WIPI2: variants seen among roughly 807,000 people sequenced by gnomAD.
WIPI2 encodes WD repeat domain phosphoinositide-interacting protein 2.
A neutral mutation model predicts 52.3 loss-of-function variants in WIPI2; 28 were observed. The observed-to-expected ratio is 0.54, with a 90% CI of 0.40 to 0.73. The LOEUF is 0.73. Among genes scored for constraint, WIPI2 ranks in the 30% least tolerant of loss-of-function variants. The pLI is 0.00. For missense variants in WIPI2, 506 were observed against 602.9 expected (o/e 0.84, Z 1.68); for synonymous variants, 268 against 245.0 (o/e 1.09, Z -0.88).
intron 11 of WIPI2, chr7:5,229,323 CTT>C (rs201442940): frequency 7.4e-6 from 2 of 269,392 alleles, no homozygotes; most frequent in Non-Finnish European, 7.1e-6. Context: ...GCTAGCCTGA[CTT>C]TTTTTGTAAA....
intron 3 of WIPI2, among the ~76,000 whole-genome samples, chr7:5,203,625 C>CTTTTTTTT (rs10709311): frequency 4.5e-5 from 3 of 66,386 alleles, no homozygotes; most frequent in African/African-American, 5.7e-5. Flanking sequence ...TACGTTCAGC[C>CTTTTTTTT]TTTTTTTTTT....
At chr7:5,228,285 T>C (rs1190971470) in intron 11 of WIPI2, 74 bp downstream of exon 11, 3 of 1,359,472 alleles carry the variant, frequency 2.2e-6, no homozygotes, top group Non-Finnish European at 3.0e-6. Flanking sequence ...GGCGAACGTT[T>C]GTTTATTTCC....
chr7:5,201,369 A>T (rs575666640), intron 3 of WIPI2, among the ~76,000 whole-genome samples: 1 of 152,342 alleles, frequency 6.6e-6, no homozygotes, highest in East Asian at 1.9e-4. Context: ...CCTCAAATTG[A>T]AGTTTAGTTA....
chr7:5,191,148 TAG>T (rs1158752592), intron 1 of WIPI2, among the ~76,000 whole-genome samples: 1 of 151,962 alleles, frequency 6.6e-6, no homozygotes, highest in African/African-American at 2.4e-5. Context: ...GCCTCCCGAG[TAG>T]CTGAGACTAC....
In WIPI2 at chr7:5,232,657, T is replaced by C; in HGVS notation, c.*1710T>C. ...AGCCTTGACCCACGCCTGCGTCTTG[T>C]GGTGCAAGGCCAGAGGGCTCTCTCT... On this transcript the variant is annotated 3_prime_UTR_variant, in exon 13 of 13. Transcript: ENST00000288828. The C allele has an allele frequency of 4.5e-6, 1 of 223,994 alleles. No homozygotes were observed. The highest frequency in any genetic ancestry group is 8.7e-6 in the Non-Finnish European group (1 of 115,304). 13.9% of individuals were successfully genotyped at this position (223,994 alleles called of 1,614,324 possible). A position where few individuals can be genotyped will look rare whatever the true frequency, so the allele number is the denominator to read the frequency against.
intron 2 of WIPI2, among the ~76,000 whole-genome samples, chr7:5,198,575 A>G (rs1781865811): frequency 6.6e-6 from 1 of 152,112 alleles, no homozygotes; most frequent in Non-Finnish European, 1.5e-5. Flanking sequence ...CAGCCTTCCA[A>G]AGTGCTGGGA....
chr7:5,211,804 C>T (rs1782575377), intron 3 of WIPI2, among the ~76,000 whole-genome samples: 1 of 152,228 alleles, frequency 6.6e-6, no homozygotes, highest in Admixed American at 6.5e-5. Flanking sequence ...GATATCAGGC[C>T]TTACAGCTAA....
rs117724394 is a variant in WIPI2 at position 5,200,175 on chromosome 7, C to T, written c.211+517C>T. ...TAGATGGATTACTTCATCTCTGGGCCTCAGTTTCTTTTATTTTTTGCAAAA... is the reference window on the plus strand; with the variant it reads ...TAGATGGATTACTTCATCTCTGGGCTTCAGTTTCTTTTATTTTTTGCAAAA... On this transcript the variant is annotated intron_variant, in intron 3 of 12. Coordinates refer to ENST00000288828, the MANE Select transcript of WIPI2 (RefSeq NM_015610.4). Among the ~76,000 whole-genome samples, 359 of 152,268 alleles carry T rather than the reference C, an allele frequency of 2.4e-3. 1 individual carries two copies. The highest frequency in any genetic ancestry group is 3.7e-3 in the Non-Finnish European group (249 of 68,020).
At chr7:5,195,451 G>C (rs1287859182) in intron 2 of WIPI2, among the ~76,000 whole-genome samples, 3 of 152,192 alleles carry the variant, frequency 2.0e-5, no homozygotes, top group Non-Finnish European at 4.4e-5. Context: ...GCACCACTGT[G>C]CCCCAGCCTG....
chr7:5,217,468 T>C lies in WIPI2; in HGVS notation c.576+281T>C, dbSNP rs538401627. 5.2e-4 allele frequency: 222 copies of C among 424,710 alleles called. 1 individual carries two copies. The highest frequency in any genetic ancestry group is 3.9e-3 in the African/African-American group (191 of 49,454). The allele number at this position is 424,710 out of a possible 1,614,324, so 26.3% of individuals were successfully genotyped here. On this transcript the variant is annotated intron_variant, in intron 6 of 12. Coordinates refer to ENST00000288828, the MANE Select transcript of WIPI2 (RefSeq NM_015610.4). ...CATGCAACACCACACCCAGCTAATTTTTTATTTTTGTAGAGATGGAGTCTT... is the reference window on the plus strand; with the variant it reads ...CATGCAACACCACACCCAGCTAATTCTTTATTTTTGTAGAGATGGAGTCTT...
intron 8 of WIPI2, among the ~76,000 whole-genome samples, chr7:5,225,287 C>T (rs1291748766): frequency 2.6e-5 from 4 of 152,104 alleles, no homozygotes; most frequent in East Asian, 1.9e-4. Context: ...ACTACAGGCA[C>T]CCGCCACCAC....
Position 5,231,015 on chromosome 7 carries a change from T to C in WIPI2, c.*68T>C. The C allele has an allele frequency of 7.2e-7, 1 of 1,386,752 alleles. No homozygotes were observed. Among genetic ancestry groups the C allele is most frequent in the East Asian group, 2.5e-5 (1 of 40,144 alleles). The allele number at this position is 1,386,752 out of a possible 1,614,324, so 85.9% of individuals were successfully genotyped here. The stretch of plus-strand genomic sequence containing the variant: ...CTTCACAGAGGACTTTGTGCATTGC[T>C]GCTATGAACTTTGACCTGAGTCGGG... On this transcript the variant is annotated 3_prime_UTR_variant, in exon 13 of 13. Coordinates refer to ENST00000288828, the MANE Select transcript of WIPI2 (RefSeq NM_015610.4).
chr7:5,225,710 T>C (rs1238377619), intron 8 of WIPI2, 113 bp from the exon 9 acceptor site: 7 of 687,810 alleles, frequency 1.0e-5, no homozygotes, highest in Middle Eastern at 7.0e-4. Context: ...GGAATAAAAC[T>C]TACCAGCAGG....
chr7:5,217,924 A>G lies in WIPI2; in HGVS notation c.579A>G (p.Arg193=), dbSNP rs773424871. ...EVQVFDTINL[R]AANMIPAHDS... is the part of the protein sequence containing the mutation. ...CTTTATTGGTGTCCCTTTTTCAGAG[A>G]GCTGCAAACATGATTCCGGCTCACG... The change falls in exon 7 of 13, where the codon AGA becomes AGG. Residue 193 remains arginine, a splice_region_variant and synonymous_variant. Transcript: ENST00000288828. 3.2e-5 allele frequency: 52 copies of G among 1,614,024 alleles called. No homozygotes were observed. The highest frequency in any genetic ancestry group is 4.2e-5 in the Non-Finnish European group (49 of 1,180,008).
intron 1 of WIPI2, 105 bp downstream of exon 1, chr7:5,190,598 C>T (rs908150693): frequency 8.4e-7 from 1 of 1,188,744 alleles, no homozygotes. Flanking sequence ...GCTCGGCCTC[C>T]CCGCGGGCCA....
At chr7:5,222,456 G>A (rs771791393) in intron 7 of WIPI2, 146 bp from the exon 8 acceptor site, 13 of 779,650 alleles carry the variant, frequency 1.7e-5, no homozygotes, top group Middle Eastern at 3.6e-4. Context: ...TTCAAGGGGG[G>A]CCCTGGGGGA....
Position 5,216,808 on chromosome 7 carries a change from G to C in WIPI2, c.478+149G>C, listed in dbSNP as rs1782837623. On this transcript the variant is annotated intron_variant, in intron 5 of 12. Coordinates refer to ENST00000288828, the MANE Select transcript of WIPI2 (RefSeq NM_015610.4). ...TCCCAAACCAAGCTGCCTTCCTACT[G>C]ATGCTGGTCATGTGACCACATAAGC... 15 of 781,690 alleles carry C rather than the reference G, an allele frequency of 1.9e-5. No homozygotes were observed. In the East Asian group the frequency reaches 4.0e-4, roughly 21 times the overall value. 48.4% of individuals were successfully genotyped at this position (781,690 alleles called of 1,614,324 possible). A position where few individuals can be genotyped will look rare whatever the true frequency, so the allele number is the denominator to read the frequency against.
At chr7:5,224,334 C>T (rs924748687) in intron 8 of WIPI2, among the ~76,000 whole-genome samples, 1 of 152,232 alleles carries the variant, frequency 6.6e-6, no homozygotes, top group Non-Finnish European at 1.5e-5. Context: ...TCCCTTTCTC[C>T]ATGCGTCTCT....
At chr7:5,190,955 C>T in intron 1 of WIPI2, 1 of 157,304 alleles carries the variant, frequency 6.4e-6, no homozygotes, top group South Asian at 2.0e-4. Flanking sequence ...CGTCTTAAGA[C>T]CCTTCTCTCT....
Sources: gnomAD v4.1 joint callset for allele counts (sites outside exome capture counted in the v4.1 genomes callset) on GRCh38, gnomAD v4.1.1 for gene constraint, MANE v1.5 for transcripts, NCBI Gene and HGNC (gene_info 2026-07-23, HGNC 2026-07-21) for gene names.